The following ADAMTS2 variants were observed in gnomAD, a reference collection of about 807,000 sequenced individuals.
ADAMTS2 encodes A disintegrin and metalloproteinase with thrombospondin motifs 2.
In ADAMTS2, 50 loss-of-function variants were observed where a neutral mutation model predicts 123.0. The observed-to-expected ratio is 0.41, with a 90% CI of 0.32 to 0.51. The LOEUF is 0.51. Ranked by LOEUF, ADAMTS2 falls within the 20% of genes least tolerant of loss-of-function variation. The probability of loss-of-function intolerance (pLI) is 0.35; values close to 1 mark genes in which losing one functional copy is unlikely to be tolerated. For missense variants in ADAMTS2, 1,494 were observed against 1,705.2 expected (o/e 0.88, Z 2.18); for synonymous variants, 678 against 695.4 (o/e 0.98, Z 0.39).
chr5:179,130,041 G>A lies in ADAMTS2; in HGVS notation c.2348C>T (p.Ala783Val). Residue 783 changes from alanine (A) to valine (V), a missense_variant, in exon 16 of 22, where the codon GCC becomes GTC. Ala to Val is a moderately conservative substitution (Grantham distance 64). Coordinates refer to ENST00000251582, the MANE Select transcript of ADAMTS2 (RefSeq NM_014244.5). The surrounding 1 kb of genome is among the most constrained non-coding windows in gnomAD (Gnocchi z 4.3). ...CATGGCAATGAAGGTTTTGGAACTG[G>A]CATCCACGTCATTCTCTTCATTTAA... ...FILNEENDVD[A>V]SSKTFIAMGV... The A allele has an allele frequency of 6.2e-7, 1 of 1,614,148 alleles. No individual in the cohort carries two copies. Among genetic ancestry groups the A allele is most frequent in the South Asian group, 1.1e-5 (1 of 91,078 alleles).
At chr5:179,148,481 C>A (rs185526034) in intron 10 of ADAMTS2, among the ~76,000 whole-genome samples, 183 of 152,304 alleles carry the variant, frequency 1.2e-3, no homozygotes, top group African/African-American at 4.1e-3. Context: ...CAGAGCTGCA[C>A]GTGGCGCTGG....
At chr5:179,182,196 A>C (rs1015746418) in intron 4 of ADAMTS2, among the ~76,000 whole-genome samples, 4 of 152,220 alleles carry the variant, frequency 2.6e-5, no homozygotes, top group African/African-American at 9.6e-5. Flanking sequence ...AGCCACCTGC[A>C]TCCTCCCTGC....
chr5:179,136,493 C>T lies in ADAMTS2; in HGVS notation c.1952-451G>A, dbSNP rs375668518. On this transcript the variant is annotated intron_variant, in intron 12 of 21. Transcript: ENST00000251582. ...CCAGCCTGGCCAACATGGTGAAACC[C>T]GTCTCTACTAAAAATACAAAAATTA... is the stretch of plus-strand genomic sequence containing the variant. 1.1e-3 allele frequency among the ~76,000 whole-genome samples: 160 copies of T among 151,594 alleles called. 6 individuals are homozygous for T. In the South Asian group the frequency reaches 0.031, roughly 29 times the overall value.
chr5:179,147,035 A>G (rs1395550201), intron 10 of ADAMTS2, among the ~76,000 whole-genome samples: 1 of 152,078 alleles, frequency 6.6e-6, no homozygotes, highest in Admixed American at 6.5e-5. Context: ...AGAGCCCTTC[A>G]TTTATTGTCA....
intron 2 of ADAMTS2, among the ~76,000 whole-genome samples, chr5:179,327,139 A>G (rs1411222266): frequency 6.6e-6 from 1 of 152,162 alleles, no homozygotes; most frequent in Admixed American, 6.5e-5. Flanking sequence ...GGAAATCTTG[A>G]GCTTTGTGAG....
At position 179,126,195 on chromosome 5, in the gene ADAMTS2, G is replaced by A. The variant is rs1484079908; in HGVS notation, c.2618-65C>T. 4 of 1,603,846 alleles carry A rather than the reference G, an allele frequency of 2.5e-6. No individual in the cohort carries two copies. The African/African-American group carries it at 5.3e-5, about 21-fold the overall frequency. On this transcript the variant is annotated intron_variant, in intron 17 of 21. Coordinates refer to ENST00000251582, the MANE Select transcript of ADAMTS2 (RefSeq NM_014244.5). ...TGCCCTGCCCGAGGGTGCAAGGAGGGGTGGGCTGCACCAGCAGTGCTGGCC... is the reference window on the plus strand; with the variant it reads ...TGCCCTGCCCGAGGGTGCAAGGAGGAGTGGGCTGCACCAGCAGTGCTGGCC...
At chr5:179,138,386 A>T (rs893937612) in intron 11 of ADAMTS2, among the ~76,000 whole-genome samples, 8 of 152,220 alleles carry the variant, frequency 5.3e-5, no homozygotes, top group African/African-American at 1.9e-4. Context: ...AGCCTAGCAC[A>T]GAAAGAGGCA....
chr5:179,302,577 G>A (rs1042210472), intron 2 of ADAMTS2, among the ~76,000 whole-genome samples: 10 of 151,932 alleles, frequency 6.6e-5, no homozygotes, highest in African/African-American at 2.2e-4. Context: ...GATAGATGTG[G>A]CCACAAAGGT....
In ADAMTS2 at chr5:179,155,863, C is replaced by G. The variant is rs1763458773; in HGVS notation, c.1133-944G>C. ...CTCCTGCCATGCCCCACTGAGAGAC[C>G]CTGAGGCCACGCGTTCCACAGAGAA... On this transcript the variant is annotated intron_variant, in intron 6 of 21. Transcript: ENST00000251582. This position sits in a 1 kb window ranked among gnomAD's most constrained non-coding sequence, Gnocchi z 5.1. Among the ~76,000 whole-genome samples, 1 of 152,100 alleles carries G rather than the reference C, an allele frequency of 6.6e-6. No homozygotes were observed. Among genetic ancestry groups the G allele is most frequent in the Admixed American group, 6.5e-5 (1 of 15,282 alleles).
chr5:179,274,137 G>C (rs1325496584), intron 2 of ADAMTS2, among the ~76,000 whole-genome samples: 1 of 148,144 alleles, frequency 6.8e-6, no homozygotes, highest in African/African-American at 2.5e-5. Flanking sequence ...GCCCTCCCCT[G>C]CCATACCCTG....
chr5:179,292,731 A>C (rs1756223178), intron 2 of ADAMTS2, among the ~76,000 whole-genome samples: 1 of 152,020 alleles, frequency 6.6e-6, no homozygotes, highest in African/African-American at 2.4e-5. Context: ...TCTCCTTGCA[A>C]GATACATCTG....
At chr5:179,149,185 C>T (rs148533001) in intron 10 of ADAMTS2, among the ~76,000 whole-genome samples, 69 of 152,272 alleles carry the variant, frequency 4.5e-4, no homozygotes, top group Non-Finnish European at 9.0e-4. Context: ...TGGGGGCCTT[C>T]GGGAAGCGTT....
At chr5:179,301,968 CT>C (rs1756531926) in intron 2 of ADAMTS2, among the ~76,000 whole-genome samples, 2 of 152,358 alleles carry the variant, frequency 1.3e-5, no homozygotes, top group South Asian at 4.1e-4. Context: ...CACCTCGCCC[CT>C]GGGTGCCCTT....
intron 2 of ADAMTS2, among the ~76,000 whole-genome samples, chr5:179,287,830 A>G (rs1170640610): frequency 6.6e-6 from 1 of 152,150 alleles, no homozygotes; most frequent in African/African-American, 2.4e-5. Flanking sequence ...GGGAAGACAC[A>G]CTACCCGACG....
intron 10 of ADAMTS2, among the ~76,000 whole-genome samples, chr5:179,145,613 C>G (rs1740151958): frequency 6.6e-6 from 1 of 152,104 alleles, no homozygotes; most frequent in Non-Finnish European, 1.5e-5. Flanking sequence ...GCAAAATGTC[C>G]CATGTTGTAT....
chr5:179,270,916 C>A (rs1229157602), intron 3 of ADAMTS2, among the ~76,000 whole-genome samples: 3 of 152,160 alleles, frequency 2.0e-5, no homozygotes, highest in Non-Finnish European at 2.9e-5. Flanking sequence ...TAGCCCCAGG[C>A]CCACGCTCAC....
chr5:179,328,716 T>C (rs1475058285), intron 2 of ADAMTS2, among the ~76,000 whole-genome samples: 1 of 152,226 alleles, frequency 6.6e-6, no homozygotes. Context: ...TTAAAAGTGT[T>C]CCCAGATAAC....
At chr5:179,327,176 A>G (rs1581279112) in intron 2 of ADAMTS2, among the ~76,000 whole-genome samples, 1 of 152,322 alleles carries the variant, frequency 6.6e-6, no homozygotes, top group Middle Eastern at 3.4e-3. Context: ...GAAAAGCCAA[A>G]CAAAACTCAT....
At chr5:179,336,221 C>A (rs1757608344) in intron 2 of ADAMTS2, among the ~76,000 whole-genome samples, 1 of 152,220 alleles carries the variant, frequency 6.6e-6, no homozygotes, top group Non-Finnish European at 1.5e-5. Context: ...CGCAGTCCCT[C>A]ACTGTCAACA....
Sources: allele counts gnomAD v4.1 joint callset (sites outside exome capture counted in the v4.1 genomes callset), GRCh38; gene constraint gnomAD v4.1.1; non-coding constraint Gnocchi (gnomAD v3.1); transcripts MANE v1.5; gene names NCBI Gene and HGNC (gene_info 2026-07-23, HGNC 2026-07-21).